ANTXR1: variants seen among roughly 807,000 people sequenced by gnomAD.
ANTXR1 encodes ANTXR cell adhesion molecule 1.
A neutral mutation model predicts 78.1 loss-of-function variants in ANTXR1; 19 were observed. The observed-to-expected ratio is 0.24, with a 90% CI of 0.17 to 0.36. The LOEUF (loss-of-function observed/expected upper bound fraction) is 0.36, where lower values mean the gene tolerates loss of function less well. Ranked by LOEUF, ANTXR1 falls within the 10% of genes least tolerant of loss-of-function variation. The pLI, the probability that ANTXR1 is intolerant of heterozygous loss-of-function variation, is 1.00. For synonymous variants in ANTXR1, 273 were observed against 260.5 expected (o/e 1.05, Z -0.46); for missense variants, 518 against 718.6 (o/e 0.72, Z 3.19).
At chr2:69,040,702 T>C (rs1669588892) in intron 2 of ANTXR1, among the ~76,000 whole-genome samples, 1 of 152,212 alleles carries the variant, frequency 6.6e-6, no homozygotes, top group Admixed American at 6.5e-5. Context: ...CATGGGAGTC[T>C]TGGACTTAGT....
intron 1 of ANTXR1, among the ~76,000 whole-genome samples, chr2:69,030,003 G>T (rs548814408): frequency 1.2e-3 from 184 of 152,310 alleles, no homozygotes; most frequent in African/African-American, 4.1e-3. Context: ...AGAAGATGCG[G>T]TTTATTCTTA....
intron 17 of ANTXR1, among the ~76,000 whole-genome samples, chr2:69,210,003 C>T (rs1221244959): frequency 6.6e-6 from 1 of 152,078 alleles, no homozygotes; most frequent in African/African-American, 2.4e-5. Flanking sequence ...AGAGTGAAGC[C>T]GGGAGATCAG....
intron 17 of ANTXR1, among the ~76,000 whole-genome samples, chr2:69,219,831 A>G (rs2104509177): frequency 6.6e-6 from 1 of 152,264 alleles, no homozygotes; most frequent in South Asian, 2.1e-4. Flanking sequence ...TCTTGACTGA[A>G]GTGCCCACAG....
At chr2:69,172,114 AAAAC>A (rs1674003646) in intron 14 of ANTXR1, among the ~76,000 whole-genome samples, 1 of 152,202 alleles carries the variant, frequency 6.6e-6, no homozygotes, top group South Asian at 2.1e-4. Context: ...TGGCTGATGA[AAAAC>A]AAAACATTCC....
chr2:69,167,843 A>G (rs534787471), intron 13 of ANTXR1, among the ~76,000 whole-genome samples: 6 of 152,328 alleles, frequency 3.9e-5, no homozygotes, highest in African/African-American at 1.2e-4. Flanking sequence ...GCCCCTCTTT[A>G]TCAATATTTA....
chr2:69,070,831 G>A (rs1670541596), intron 4 of ANTXR1, 103 bp downstream of exon 4: 2 of 965,660 alleles, frequency 2.1e-6, no homozygotes, highest in East Asian at 2.6e-5. Flanking sequence ...GGGCTGACTA[G>A]CACCCAATAG....
At chr2:69,184,538 A>G (rs1674373881) in intron 16 of ANTXR1, among the ~76,000 whole-genome samples, 1 of 152,236 alleles carries the variant, frequency 6.6e-6, no homozygotes, top group Non-Finnish European at 1.5e-5. Flanking sequence ...CCTTGTGACT[A>G]ACGCCACATC....
intron 6 of ANTXR1, among the ~76,000 whole-genome samples, chr2:69,074,262 A>G (rs2104220911): frequency 6.6e-6 from 1 of 152,332 alleles, no homozygotes; most frequent in East Asian, 1.9e-4. Flanking sequence ...GAGCATTTGG[A>G]AAATAATACA....
intron 2 of ANTXR1, among the ~76,000 whole-genome samples, chr2:69,043,914 C>T (rs1400619599): frequency 2.0e-5 from 3 of 152,088 alleles, no homozygotes; most frequent in African/African-American, 7.2e-5. Context: ...AGAGCCCGAT[C>T]AGGTGTGGGA....
intron 11 of ANTXR1, 96 bp from the exon 12 acceptor site, chr2:69,124,469 A>T: frequency 9.3e-7 from 1 of 1,072,282 alleles, no homozygotes; most frequent in Non-Finnish European, 1.5e-6. Flanking sequence ...AAGGGTATTT[A>T]AGAGCAGAGC....
intron 10 of ANTXR1, among the ~76,000 whole-genome samples, chr2:69,115,496 CTCCCATATT>C (rs1330347002): frequency 6.6e-6 from 1 of 152,204 alleles, no homozygotes; most frequent in Non-Finnish European, 1.5e-5. Flanking sequence ...TGAAGTATTA[CTCCCATATT>C]ATAGATGACA....
intron 17 of ANTXR1, among the ~76,000 whole-genome samples, chr2:69,211,796 C>T (rs1675051109): frequency 6.6e-6 from 1 of 152,254 alleles, no homozygotes; most frequent in South Asian, 2.1e-4. Context: ...GTGCCCTCCA[C>T]AGTCAGACGC....
intron 12 of ANTXR1, among the ~76,000 whole-genome samples, chr2:69,132,537 T>C (rs34761959): frequency 0.36 from 54,908 of 152,164 alleles, 11,339 homozygotes; most frequent in African/African-American, 0.56. Flanking sequence ...GGGAGTGAAT[T>C]CAGTAGCCTG....
At position 69,241,776 on chromosome 2, in the gene ANTXR1, G is replaced by A. The variant is rs146946344; in HGVS notation, c.1435-3449G>A. Among the ~76,000 whole-genome samples the A allele has an allele frequency of 3.2e-4, 48 of 152,274 alleles. No individual in the cohort carries two copies. The East Asian group carries it at 9.3e-3, about 29-fold the overall frequency. On this transcript the variant is annotated intron_variant, in intron 17 of 17. Coordinates refer to ENST00000303714, the MANE Select transcript of ANTXR1 (RefSeq NM_032208.3). ...ACCTCCAACTGGCCTTTCCACCACA[G>A]ACAGGGTCTGATTGTGTCTGCGCAT...
rs58660678 is a variant in ANTXR1, at chr2:69,187,585, C to CTTTTTTTTTT, written c.1353+4937_1353+4946dup. ...GGGTCACACTATTTATCATGTATTT[C>CTTTTTTTTTT]TTTTTTTTTTTTTTTTTTTTTGAGA... is the stretch of plus-strand genomic sequence containing the variant. On this transcript the variant is annotated intron_variant, in intron 16 of 17. Transcript: ENST00000303714. Among the ~76,000 whole-genome samples the CTTTTTTTTTT allele has an allele frequency of 1.1e-3, 103 of 94,878 alleles. 3 individuals are homozygous for CTTTTTTTTTT. Among genetic ancestry groups the CTTTTTTTTTT allele is most frequent in the African/African-American group, 2.3e-3 (51 of 21,930 alleles). The allele number at this position is 94,878 out of a possible 152,430, so 62.2% of individuals were successfully genotyped here.
intron 17 of ANTXR1, among the ~76,000 whole-genome samples, chr2:69,214,018 T>C (rs1321293442): frequency 6.6e-6 from 1 of 152,214 alleles, no homozygotes; most frequent in East Asian, 1.9e-4. Context: ...AGCCAGGCAG[T>C]CTCAGCCAGG....
intron 1 of ANTXR1, among the ~76,000 whole-genome samples, chr2:69,031,497 C>T (rs1671529463): frequency 6.6e-6 from 1 of 152,182 alleles, no homozygotes; most frequent in East Asian, 1.9e-4. Context: ...ACCCTCACTG[C>T]ACAGTCTAAT....
intron 1 of ANTXR1, among the ~76,000 whole-genome samples, chr2:69,020,891 C>T (rs1348173175): frequency 6.6e-6 from 1 of 152,108 alleles, no homozygotes; most frequent in Admixed American, 6.5e-5. Flanking sequence ...CCAATACATG[C>T]GTGGATGAAA....
chr2:69,146,556 C>G (rs1673230538), intron 12 of ANTXR1, among the ~76,000 whole-genome samples: 2 of 152,324 alleles, frequency 1.3e-5, no homozygotes, highest in South Asian at 4.1e-4. Flanking sequence ...CTGCCAAGGG[C>G]AGCAAACACT....
Sources: allele counts gnomAD v4.1 joint callset (sites outside exome capture counted in the v4.1 genomes callset), GRCh38; gene constraint gnomAD v4.1.1; transcripts MANE v1.5; gene names NCBI Gene and HGNC (gene_info 2026-07-23, HGNC 2026-07-21).